The following NCLN variants were observed in gnomAD, a reference collection of about 807,000 sequenced individuals.
NCLN encodes nicalin.
In NCLN, 34 loss-of-function variants were observed where a neutral mutation model predicts 69.5. The observed-to-expected ratio is 0.49, with a 90% CI of 0.37 to 0.65. NCLN has a LOEUF of 0.65. Among genes scored for constraint, NCLN ranks in the 30% least tolerant of loss-of-function variants. The pLI is 0.00. For missense variants in NCLN, 710 were observed against 804.8 expected (o/e 0.88, Z 1.42); for synonymous variants, 393 against 358.3 (o/e 1.10, Z -1.09).
rs375588140 is a variant in NCLN, at chr19:3,207,458, G to A, written c.1621G>A (p.Val541Met). 87 of 1,612,800 alleles carry A rather than the reference G, an allele frequency of 5.4e-5. No individual in the cohort carries two copies. The highest frequency in any genetic ancestry group is 6.7e-5 in the Admixed American group (4 of 60,002). ...GIAAYLGMAY[V>M]AVQHFSLLYK... ...TGCTGCCTACCTCGGCATGGCCTAC[G>A]TGGCTGTCCAGGTGAGCAGTGCCCA... Residue 541 changes from valine (V) to methionine (M), a missense_variant, in exon 14 of 15, where the codon GTG (valine) becomes ATG (methionine). Coordinates refer to ENST00000246117, the MANE Select transcript of NCLN (RefSeq NM_020170.4).
chr19:3,190,280 G>T (rs185097838), intron 1 of NCLN, among the ~76,000 whole-genome samples: 1 of 152,204 alleles, frequency 6.6e-6, no homozygotes, highest in South Asian at 2.1e-4. Flanking sequence ...GAGGGGAGCA[G>T]GGGTGAGGCT....
At position 3,205,690 on chromosome 19, in the gene NCLN, C is replaced by T. The variant is rs919151066; in HGVS notation, c.1209-249C>T. The T allele has an allele frequency of 9.9e-6, 5 of 505,264 alleles. No homozygotes were observed. The highest frequency in any genetic ancestry group is 9.9e-5 in the African/African-American group (5 of 50,598). 31.3% of individuals were successfully genotyped at this position (505,264 alleles called of 1,614,324 possible). A position where few individuals can be genotyped will look rare whatever the true frequency, so the allele number is the denominator to read the frequency against. On this transcript the variant is annotated intron_variant, in intron 9 of 14. Transcript: ENST00000246117. This position sits in a 1 kb window ranked among gnomAD's most constrained non-coding sequence, Gnocchi z 4.6. ...AGCAGAAAACCGAGTCAGAAGGAACCAAGGCCTCAGGGCGTGAGCCTTACC... is the reference window on the plus strand; with the variant it reads ...AGCAGAAAACCGAGTCAGAAGGAACTAAGGCCTCAGGGCGTGAGCCTTACC...
rs751088432 is a variant in NCLN, at chr19:3,192,512, C to T, written c.227C>T (p.Ala76Val). Residue 76 changes from alanine (A) to valine (V), a missense_variant, in exon 2 of 15, where the codon GCG becomes GTG. Coordinates refer to ENST00000246117, the MANE Select transcript of NCLN (RefSeq NM_020170.4). Reference protein sequence around the residue: ...AVLNTEARTMAAEVLSRRCVL... With the variant: ...AVLNTEARTMVAEVLSRRCVL... ...CTGAACACGGAGGCGCGCACGATGG[C>T]GGCGGAGGTGCTGAGCCGCCGCTGC... 31 of 1,607,342 alleles carry T rather than the reference C, an allele frequency of 1.9e-5. No homozygotes were observed. Among genetic ancestry groups the T allele is most frequent in the South Asian group, 8.8e-5 (8 of 90,410 alleles).
At chr19:3,197,222 C>T (rs1252445213) in intron 4 of NCLN, among the ~76,000 whole-genome samples, 1 of 152,248 alleles carries the variant, frequency 6.6e-6, no homozygotes, top group Non-Finnish European at 1.5e-5. Context: ...AGGCGCTGGG[C>T]TCCGCATCCC....
chr19:3,190,840 G>A (rs773078417), intron 1 of NCLN, among the ~76,000 whole-genome samples: 11 of 152,152 alleles, frequency 7.2e-5, no homozygotes, highest in Non-Finnish European at 1.2e-4. Context: ...ATGTTTTAGA[G>A]CGTTGCTTGT....
At chr19:3,193,674 G>A (rs1053795963) in intron 3 of NCLN, among the ~76,000 whole-genome samples, 5 of 152,242 alleles carry the variant, frequency 3.3e-5, no homozygotes, top group Admixed American at 3.3e-4. Flanking sequence ...CTGTGCACAC[G>A]AAAGACCAGA....
At chr19:3,207,296 G>C in intron 13 of NCLN, 45 bp downstream of exon 13, 3 of 1,612,696 alleles carry the variant, frequency 1.9e-6, no homozygotes, top group Non-Finnish European at 2.5e-6. Context: ...CCCCCTACGG[G>C]TTACAGCCGA....
In NCLN at chr19:3,208,002, A is replaced by G. The variant is rs1230552415; in HGVS notation, c.*314A>G. On this transcript the variant is annotated 3_prime_UTR_variant, in exon 15 of 15. Coordinates refer to ENST00000246117, the MANE Select transcript of NCLN (RefSeq NM_020170.4). ...GCCGCCCTCGGTCTGGTGTAAGCAC[A>G]CATGCACGATTAAAGAGGAGACGCC... 2.6e-6 allele frequency: 1 copy of G among 392,008 alleles called. No homozygotes were observed. The highest frequency in any genetic ancestry group is 4.7e-6 in the Non-Finnish European group (1 of 212,894). The allele number at this position is 392,008 out of a possible 1,614,324, so 24.3% of individuals were successfully genotyped here.
intron 1 of NCLN, among the ~76,000 whole-genome samples, chr19:3,189,728 C>T (rs1322348702): frequency 1.3e-5 from 2 of 152,248 alleles, no homozygotes; most frequent in African/African-American, 2.4e-5. Flanking sequence ...CCACCCGGCC[C>T]GACCCTGGCC....
intron 1 of NCLN, among the ~76,000 whole-genome samples, chr19:3,189,655 G>A (rs767658627): frequency 1.3e-5 from 2 of 152,248 alleles, no homozygotes; most frequent in South Asian, 4.1e-4. Flanking sequence ...ATTCAGACGC[G>A]GGTCTGAGGG....
chr19:3,185,939 G>T lies in NCLN; in HGVS notation c.-92G>T. On this transcript the variant is annotated 5_prime_UTR_variant, in exon 1 of 15. Transcript: ENST00000246117. ...CCCGCGCGGCGCCCGCAGGACCCCG[G>T]CGGCTACCCATGCCGAGGTGAGTCC... is the stretch of plus-strand genomic sequence containing the variant. The T allele has an allele frequency of 1.0e-6, 1 of 988,202 alleles. No individual in the cohort carries two copies. Among genetic ancestry groups the T allele is most frequent in the Non-Finnish European group, 1.3e-6 (1 of 769,918 alleles). The allele number at this position is 988,202 out of a possible 1,614,324, so 61.2% of individuals were successfully genotyped here. A position where few individuals can be genotyped will look rare whatever the true frequency, so the allele number is the denominator to read the frequency against.
At chr19:3,191,323 G>A (rs775875675) in intron 1 of NCLN, among the ~76,000 whole-genome samples, 1 of 152,132 alleles carries the variant, frequency 6.6e-6, no homozygotes, top group Admixed American at 6.5e-5. Context: ...AGCGGTGACC[G>A]TGGGGAGCGC....
chr19:3,190,895 C>T (rs1268557042), intron 1 of NCLN, among the ~76,000 whole-genome samples: 1 of 152,174 alleles, frequency 6.6e-6, no homozygotes. Context: ...GGATTTCCGG[C>T]TTCTGGGGTG....
At position 3,207,862 on chromosome 19, in the gene NCLN, G is replaced by C. The variant is rs1046290646; in HGVS notation, c.*174G>C. The C allele has an allele frequency of 8.9e-6, 5 of 564,098 alleles. No individual in the cohort carries two copies. Among genetic ancestry groups the C allele is most frequent in the Admixed American group, 3.1e-5 (1 of 31,878 alleles). 34.9% of individuals were successfully genotyped at this position (564,098 alleles called of 1,614,324 possible). On this transcript the variant is annotated 3_prime_UTR_variant, in exon 15 of 15. Coordinates refer to ENST00000246117, the MANE Select transcript of NCLN (RefSeq NM_020170.4). ...CTTTTTTCTGTTGCTCTCCGAGACT[G>C]GGGGGGGATTGTTTCTTCTTTTCCT...
In NCLN at chr19:3,203,813, G is replaced by A. The variant is rs1916187352; in HGVS notation, c.858G>A (p.Lys286=). ...GGGKFNYQGT[K]RWLEDNLDHT... is the part of the protein sequence containing the mutation. Reference sequence around the variant, plus strand: ...GCAAGTTTAACTACCAGGGAACCAAGCGCTGGCTGGAAGACAACCTGGACC... The same window carrying A: ...GCAAGTTTAACTACCAGGGAACCAAACGCTGGCTGGAAGACAACCTGGACC... The change falls in exon 7 of 15, where the codon AAG becomes AAA. Residue 286 remains lysine, a synonymous_variant. Transcript: ENST00000246117. 6.2e-7 allele frequency: 1 copy of A among 1,613,180 alleles called. No homozygotes were observed. Among genetic ancestry groups the A allele is most frequent in the African/African-American group, 1.3e-5 (1 of 74,940 alleles).
intron 8 of NCLN, 150 bp from the exon 9 acceptor site, chr19:3,204,423 C>T (rs1916207256): frequency 4.5e-6 from 4 of 892,222 alleles, no homozygotes; most frequent in Admixed American, 3.3e-5. Context: ...GCCGGGGCTC[C>T]AGCAGGCCTT....
Position 3,185,944 on chromosome 19 carries a change from T to C in NCLN, c.-87T>C, listed in dbSNP as rs1375695163. ...GCGGCGCCCGCAGGACCCCGGCGGC[T>C]ACCCATGCCGAGGTGAGTCCGCGGG... On this transcript the variant is annotated 5_prime_UTR_variant, in exon 1 of 15. Transcript: ENST00000246117. 4.8e-6 allele frequency: 5 copies of C among 1,047,672 alleles called. No individual in the cohort carries two copies. The African/African-American group carries it at 8.5e-5, about 18-fold the overall frequency. 64.9% of individuals were successfully genotyped at this position (1,047,672 alleles called of 1,614,324 possible).
rs1341722676 is a variant in NCLN at position 3,206,197 on chromosome 19, G to A, written c.1335+7G>A. The A allele has an allele frequency of 4.0e-6, 6 of 1,510,056 alleles. No individual in the cohort carries two copies. The highest frequency in any genetic ancestry group is 1.4e-5 in the African/African-American group (1 of 72,182). The allele number at this position is 1,510,056 out of a possible 1,614,324, so 93.5% of individuals were successfully genotyped here. On this transcript the variant is annotated splice_region_variant and intron_variant, in intron 11 of 14. Coordinates refer to ENST00000246117, the MANE Select transcript of NCLN (RefSeq NM_020170.4). Reference sequence around the variant, plus strand: ...GGTGTTCACAGAGCAGATGGTAAGGGGGCCAGGCCAGTGGGTGGGTGGGTG... The same window carrying A: ...GGTGTTCACAGAGCAGATGGTAAGGAGGCCAGGCCAGTGGGTGGGTGGGTG...
chr19:3,193,619 C>T (rs982129832), intron 3 of NCLN, among the ~76,000 whole-genome samples, 191 bp downstream of exon 3: 4 of 152,236 alleles, frequency 2.6e-5, no homozygotes, highest in African/African-American at 9.6e-5. Flanking sequence ...GGACCTGGGA[C>T]TCTGCATTTT....
Sources: gnomAD v4.1 joint callset for allele counts (sites outside exome capture counted in the v4.1 genomes callset) on GRCh38, gnomAD v4.1.1 for gene constraint, Gnocchi (gnomAD v3.1) non-coding constraint, MANE v1.5 for transcripts, NCBI Gene and HGNC (gene_info 2026-07-23, HGNC 2026-07-21) for gene names.